Variants in ATR observed in about 807,000 individuals in gnomAD.
The protein encoded by ATR is ATR checkpoint kinase.
In ATR, 142 loss-of-function variants were observed where a neutral mutation model predicts 305.3. The ratio of observed to expected loss-of-function variants is 0.47; its 90% CI spans 0.41 to 0.53. The LOEUF (loss-of-function observed/expected upper bound fraction) is 0.53. Among genes scored for constraint, ATR ranks in the 20% least tolerant of loss-of-function variants. The probability of loss-of-function intolerance (pLI) is 0.00; values close to 1 mark genes in which losing one functional copy is unlikely to be tolerated. For synonymous variants in ATR, 1,050 were observed against 1,068.1 expected (o/e 0.98, Z 0.33); for missense variants, 2,135 against 3,133.1 (o/e 0.68, Z 7.60).
At chr3:142,560,795 C>T (rs1296409963) in intron 5 of ATR, among the ~76,000 whole-genome samples, 1 of 152,140 alleles carries the variant, frequency 6.6e-6, no homozygotes, top group Non-Finnish European at 1.5e-5. Context: ...CTTCTGACCT[C>T]GTGATCTGCC....
chr3:142,540,953 G>A lies in ATR; in HGVS notation c.3532C>T (p.Leu1178=), dbSNP rs2034029239. The change falls in exon 18 of 47, where the codon CTG becomes TTG. Residue 1178 remains leucine (L), a synonymous_variant. Transcript: ENST00000350721. Reference sequence around the variant, plus strand: ...TCCTTGAATCGAAGGCCAGTTCTCAGTGTGGTCATCATCTTCACCCTCACA... The same window carrying A: ...TCCTTGAATCGAAGGCCAGTTCTCAATGTGGTCATCATCTTCACCCTCACA... The part of the protein sequence containing the change: ...SSVRVKMMTT[L]RTGLRFKDDF... 1.2e-6 allele frequency: 2 copies of A among 1,613,442 alleles called. No individual in the cohort carries two copies. Among genetic ancestry groups the A allele is most frequent in the Non-Finnish European group, 1.7e-6 (2 of 1,179,760 alleles).
chr3:142,568,527 G>A (rs1044703912), intron 1 of ATR, among the ~76,000 whole-genome samples: 18 of 152,172 alleles, frequency 1.2e-4, no homozygotes, highest in African/African-American at 4.3e-4. Context: ...CTCTCTCCAG[G>A]GCGCTAGTGG....
chr3:142,578,268 G>C (rs1046373021), intron 1 of ATR, among the ~76,000 whole-genome samples: 1 of 152,168 alleles, frequency 6.6e-6, no homozygotes, highest in Non-Finnish European at 1.5e-5. Flanking sequence ...AAACTGATGG[G>C]TCAAGTCCCT....
At chr3:142,531,261 T>C (rs2033628746) in intron 21 of ATR, among the ~76,000 whole-genome samples, 4 of 152,020 alleles carry the variant, frequency 2.6e-5, no homozygotes, top group African/African-American at 9.7e-5. Context: ...TTTATTTTAT[T>C]TTTATTATTA....
chr3:142,507,094 G>C (rs887174615), intron 28 of ATR, among the ~76,000 whole-genome samples: 1 of 152,182 alleles, frequency 6.6e-6, no homozygotes, highest in Non-Finnish European at 1.5e-5. Context: ...AGCTGGACAA[G>C]GAGGAACACA....
rs368033457 is a variant in ATR, at chr3:142,547,916, C to T, written c.3172-6G>A. ...AGTTCAATTTCTGTTTCATTCTAAC[C>T]CAAAGACATGTTAAAAAAAATTTTT... On this transcript the variant is annotated splice_polypyrimidine_tract_variant and splice_region_variant and intron_variant, in intron 15 of 46. Transcript: ENST00000350721. 6.2e-7 allele frequency: 1 copy of T among 1,613,522 alleles called. No homozygotes were observed. The highest frequency in any genetic ancestry group is 2.2e-5 in the East Asian group (1 of 44,816).
chr3:142,459,035 G>A lies in ATR; in HGVS notation c.7426C>T (p.Arg2476Cys), dbSNP rs376735982. Residue 2476 changes from arginine (R) to cysteine (C), a missense_variant, in exon 44 of 47, where the codon CGT becomes TGT. Transcript: ENST00000350721. ...TCAAAGAGAATATTTTCACCATGAC[G>A]GTCTCCAAGCCCCAGAATATAACCA... ...MVGYILGLGD[R>C]HGENILFDSL... is the part of the protein sequence containing the mutation. 9 of 1,613,768 alleles carry A rather than the reference G, an allele frequency of 5.6e-6. No homozygotes were observed. The highest frequency in any genetic ancestry group is 2.7e-5 in the African/African-American group (2 of 74,894).
At chr3:142,552,775 G>A (rs2108461123) in intron 13 of ATR, among the ~76,000 whole-genome samples, 1 of 151,442 alleles carries the variant, frequency 6.6e-6, no homozygotes, top group Middle Eastern at 3.4e-3. Context: ...ATACTATACA[G>A]CCATAAAAAG....
chr3:142,471,959 A>G (rs565829474), intron 36 of ATR: 1 of 152,172 alleles, frequency 6.6e-6, no homozygotes, highest in Non-Finnish European at 1.5e-5. Context: ...GATTCTACAT[A>G]TAAGTAAGAT....
At chr3:142,544,389 T>C (rs1342579479) in intron 16 of ATR, among the ~76,000 whole-genome samples, 1 of 134,906 alleles carries the variant, frequency 7.4e-6, no homozygotes, top group Non-Finnish European at 1.5e-5. Context: ...GAGGCAGAGG[T>C]TGCAGTGGGC....
chr3:142,565,175 T>G (rs965388535), intron 3 of ATR, among the ~76,000 whole-genome samples: 2 of 152,132 alleles, frequency 1.3e-5, no homozygotes, highest in Admixed American at 6.5e-5. Context: ...AACCAATGAT[T>G]AGAGCACAGT....
At chr3:142,517,413 T>C (rs2032915345) in intron 24 of ATR, among the ~76,000 whole-genome samples, 1 of 151,888 alleles carries the variant, frequency 6.6e-6, no homozygotes, top group African/African-American at 2.4e-5. Flanking sequence ...TGAATATGCT[T>C]TTAAGAAATT....
chr3:142,491,424 C>G (rs911481351), intron 35 of ATR, among the ~76,000 whole-genome samples: 5 of 152,210 alleles, frequency 3.3e-5, no homozygotes, highest in African/African-American at 1.2e-4. Context: ...GACAACATCT[C>G]TCTTCCCTAA....
rs117906182 is a variant in ATR, at chr3:142,494,452, T to A, written c.5899-1141A>T. On this transcript the variant is annotated intron_variant, in intron 34 of 46. Transcript: ENST00000350721. ...AAGTGTTACAACAGAGGAATATACA[T>A]CAGCATTATACAGGATAGAGAAGAG... Among the ~76,000 whole-genome samples, 37 of 152,310 alleles carry A rather than the reference T, an allele frequency of 2.4e-4. No homozygotes were observed. In the East Asian group the frequency reaches 7.1e-3, roughly 29 times the overall value.
rs2108276384 is a variant in ATR at position 142,468,082 on chromosome 3, G to A, written c.6553-14C>T. On this transcript the variant is annotated splice_polypyrimidine_tract_variant and intron_variant, in intron 38 of 46. Coordinates refer to ENST00000350721, the MANE Select transcript of ATR (RefSeq NM_001184.4). ...GGGATAAGATGACTGTCATAAAAAA[G>A]AGTTAAATGTCATAAAAAAGAGTTT... 1 of 1,610,480 alleles carries A rather than the reference G, an allele frequency of 6.2e-7. No individual in the cohort carries two copies. The highest frequency in any genetic ancestry group is 2.2e-5 in the East Asian group (1 of 44,686).
intron 2 of ATR, among the ~76,000 whole-genome samples, chr3:142,567,196 C>A (rs1259153378): frequency 6.6e-6 from 1 of 152,004 alleles, no homozygotes; most frequent in Non-Finnish European, 1.5e-5. Context: ...CAGTGGGGCG[C>A]CAAACAAACC....
Position 142,499,658 on chromosome 3 carries a change from C to A in ATR, c.5349G>T (p.Gln1783His), listed in dbSNP as rs886058055. Reference protein sequence around the residue: ...YRVEAAWKLSQWDLVENYLAA... With the variant: ...YRVEAAWKLSHWDLVENYLAA... ...CCAAATAGTTTTCCACCAAATCCCACTGTGACAATTTCCAAGCTGCTTCCA... is the reference window on the plus strand; with the variant it reads ...CCAAATAGTTTTCCACCAAATCCCAATGTGACAATTTCCAAGCTGCTTCCA... The change falls in exon 31 of 47, where the codon CAG becomes CAT. Residue 1783 changes from glutamine (Q) to histidine (H), a missense_variant. Gln to His is a conservative substitution (Grantham distance 24). Around this residue, in one of 9 missense-constraint regions of ATR, gnomAD observed 117 missense variants for 198.3 expected, o/e 0.59. Coordinates refer to ENST00000350721, the MANE Select transcript of ATR (RefSeq NM_001184.4). The A allele has an allele frequency of 1.2e-5, 20 of 1,613,994 alleles. No individual in the cohort carries two copies. Among genetic ancestry groups the A allele is most frequent in the Non-Finnish European group, 1.6e-5 (19 of 1,179,996 alleles).
Position 142,466,526 on chromosome 3 carries a change from C to A in ATR, c.6695G>T (p.Gly2232Val), listed in dbSNP as rs370107362. The A allele has an allele frequency of 1.2e-6, 2 of 1,612,744 alleles. No homozygotes were observed. ...GCTCATGCTTAATGTGGAACTACTT[C>A]CATCAACCTGAAAAAATAAATAGTG... ...LLELCNKPVDGSSSTLSMSTH... is the reference protein window; with the variant it reads ...LLELCNKPVDVSSSTLSMSTH... The change falls in exon 40 of 47, where the codon GGA becomes GTA. Residue 2232 changes from glycine (G) to valine (V), a missense_variant. Gly to Val is a moderately radical substitution (Grantham distance 109). Around this residue, in one of 9 missense-constraint regions of ATR, gnomAD observed 462 missense variants for 887.6 expected, o/e 0.52. Transcript: ENST00000350721.
At chr3:142,450,394 G>T (rs555030171) in intron 46 of ATR, 44 of 1,550,884 alleles carry the variant, frequency 2.8e-5, no homozygotes, top group Non-Finnish European at 3.5e-5. Context: ...TATCAAAATG[G>T]GGCTGCTGTC....
Sources: gnomAD v4.1 joint callset for allele counts (sites outside exome capture counted in the v4.1 genomes callset) on GRCh38, gnomAD v4.1.1 for gene constraint, gnomAD v4.1.1 regional missense constraint, MANE v1.5 for transcripts, NCBI Gene and HGNC (gene_info 2026-07-23, HGNC 2026-07-21) for gene names.